The following P2RX6 variants were observed in gnomAD, a reference collection of about 807,000 sequenced individuals.
P2RX6 encodes the protein purinergic receptor P2X 6.
Under a neutral mutation model 54.2 loss-of-function variants are expected in P2RX6, and 62 were observed. The observed-to-expected ratio is 1.14, with a 90% confidence interval of 0.93 to 1.41. P2RX6 has a LOEUF of 1.41. Among genes scored for constraint, P2RX6 ranks in the 40% most tolerant of loss-of-function variants. The pLI, the probability that P2RX6 is intolerant of heterozygous loss-of-function variation, is 0.00. For synonymous variants in P2RX6, 211 were observed against 231.9 expected (o/e 0.91, Z 0.82); for missense variants, 541 against 566.3 (o/e 0.96, Z 0.45).
chr22:21,023,694 C>G (rs1927898507), intron 8 of P2RX6, 76 bp downstream of exon 8: 1 of 997,370 alleles, frequency 1.0e-6, no homozygotes, highest in Admixed American at 2.1e-5. Context: ...ACAGACCACA[C>G]CCAGGCCCAG....
In P2RX6 at chr22:21,023,563, T is replaced by A. The variant is rs1306009652; in HGVS notation, c.835T>A (p.Ser279Thr). Reference protein sequence around the residue: ...HWDCDLDTGDSGCWPHYSFQL... With the variant: ...HWDCDLDTGDTGCWPHYSFQL... ...GGATTGTGACCTGGACACCGGGGAC[T>A]CTGGCTGCTGGCCTCACTACTCCTT... The change falls in exon 8 of 12, where the codon TCT (serine) becomes ACT (threonine). Residue 279 changes from serine to threonine, a missense_variant. Physicochemically the swap from Ser to Thr is moderately conservative, Grantham distance 58. Coordinates refer to ENST00000413302, the MANE Select transcript of P2RX6 (RefSeq NM_005446.5). The A allele has an allele frequency of 3.1e-6, 5 of 1,613,600 alleles. No individual in the cohort carries two copies. The highest frequency in any genetic ancestry group is 4.2e-6 in the Non-Finnish European group (5 of 1,179,754).
At chr22:21,010,668 G>C (rs558074076), upstream of P2RX6, among the ~76,000 whole-genome samples, 5 of 152,256 alleles carry the variant, frequency 3.3e-5, no homozygotes, top group South Asian at 1.0e-3. Context: ...AGGAGAGGCA[G>C]GTAGAAGTGC....
upstream of P2RX6, among the ~76,000 whole-genome samples, chr22:21,011,908 C>T (rs1470526075): frequency 2.0e-5 from 3 of 152,210 alleles, no homozygotes; most frequent in East Asian, 3.8e-4. Context: ...TCACCACCCA[C>T]TTCAGAAGCC....
chr22:21,023,503 G>C lies in P2RX6; in HGVS notation c.781-6G>C. ...CACCGGTGGAAAAGCTATGTGCTAT[G>C]TGCAGGGTGGCTCTGTAGGCATCAG... On this transcript the variant is annotated splice_polypyrimidine_tract_variant and splice_region_variant and intron_variant, in intron 7 of 11. Transcript: ENST00000413302. 6.2e-7 allele frequency: 1 copy of C among 1,613,778 alleles called. No individual in the cohort carries two copies. The highest frequency in any genetic ancestry group is 8.5e-7 in the Non-Finnish European group (1 of 1,179,746).
At chr22:21,022,639 C>T (rs1345427688) in intron 3 of P2RX6, 37 bp from the exon 4 acceptor site, 7 of 1,449,386 alleles carry the variant, frequency 4.8e-6, no homozygotes, top group Non-Finnish European at 6.4e-6. Context: ...GGAGACATCC[C>T]CTGTGCCATT....
Sources: gnomAD v4.1 joint callset for allele counts (sites outside exome capture counted in the v4.1 genomes callset) on GRCh38, gnomAD v4.1.1 for gene constraint, MANE v1.5 for transcripts, NCBI Gene and HGNC (gene_info 2026-07-23, HGNC 2026-07-21) for gene names.